PPFIA2: variants seen among roughly 807,000 people sequenced by gnomAD.
PPFIA2 encodes liprin-alpha-2.
A neutral mutation model predicts 175.5 loss-of-function variants in PPFIA2; 46 were observed. The observed-to-expected ratio is 0.26, with a 90% confidence interval of 0.21 to 0.34. The LOEUF is 0.34. PPFIA2 is among the 10% of genes least tolerant of loss of function. The pLI is 1.00. For missense variants in PPFIA2, 1,179 were observed against 1,506.1 expected (o/e 0.78, Z 3.60); for synonymous variants, 568 against 511.4 (o/e 1.11, Z -1.49).
At chr12:81,296,386 A>C (rs2046436204) in intron 23 of PPFIA2, among the ~76,000 whole-genome samples, 1 of 152,156 alleles carries the variant, frequency 6.6e-6, no homozygotes, top group Non-Finnish European at 1.5e-5. Flanking sequence ...AGACAATTAA[A>C]CCAGCAGTGC....
intron 4 of PPFIA2, among the ~76,000 whole-genome samples, chr12:81,608,501 C>A (rs535132054): frequency 4.6e-5 from 7 of 152,030 alleles, no homozygotes; most frequent in South Asian, 4.1e-4. Context: ...GGGTTTCAAT[C>A]TCTGCCTGAT....
chr12:81,518,729 C>A (rs1189087813), intron 4 of PPFIA2, among the ~76,000 whole-genome samples: 1 of 152,182 alleles, frequency 6.6e-6, no homozygotes, highest in Non-Finnish European at 1.5e-5. Flanking sequence ...ATAGTTGCCT[C>A]TTTTCCTACT....
At chr12:81,605,508 T>G (rs1257811424) in intron 4 of PPFIA2, among the ~76,000 whole-genome samples, 1 of 151,818 alleles carries the variant, frequency 6.6e-6, no homozygotes, top group African/African-American at 2.4e-5. Context: ...CAAGCAAACA[T>G]TCAGTTAAAA....
intron 4 of PPFIA2, among the ~76,000 whole-genome samples, chr12:81,630,427 T>C (rs2063233792): frequency 6.6e-6 from 1 of 152,156 alleles, no homozygotes; most frequent in African/African-American, 2.4e-5. Context: ...AGTATTTTTG[T>C]AGCTTCTATA....
At chr12:81,433,634 A>G (rs2048481461) in intron 7 of PPFIA2, among the ~76,000 whole-genome samples, 1 of 152,234 alleles carries the variant, frequency 6.6e-6, no homozygotes, top group South Asian at 2.1e-4. Context: ...ATTGCTGTTT[A>G]TTGAGCATAC....
intron 3 of PPFIA2, among the ~76,000 whole-genome samples, chr12:81,693,895 A>T (rs1178332299): frequency 6.6e-6 from 1 of 152,144 alleles, no homozygotes; most frequent in Non-Finnish European, 1.5e-5. Flanking sequence ...TCTTGGCTGC[A>T]TTCTGTTCCT....
At chr12:81,272,468 T>C (rs146972442) in intron 28 of PPFIA2, among the ~76,000 whole-genome samples, 228 of 152,350 alleles carry the variant, frequency 1.5e-3, no homozygotes, top group Non-Finnish European at 1.4e-3. Flanking sequence ...AAACCACCTA[T>C]TGTGTTCTCA....
At chr12:81,749,675 C>A (rs2083495539) in intron 3 of PPFIA2, among the ~76,000 whole-genome samples, 2 of 144,218 alleles carry the variant, frequency 1.4e-5, no homozygotes, top group African/African-American at 4.9e-5. Flanking sequence ...CTGGATAAAA[C>A]AAATGCAAGT....
chr12:81,622,714 A>C (rs914341700), intron 4 of PPFIA2, among the ~76,000 whole-genome samples: 1 of 152,172 alleles, frequency 6.6e-6, no homozygotes, highest in East Asian at 1.9e-4. Context: ...AGGTTTACAT[A>C]GTATTCAGGG....
At position 81,374,782 on chromosome 12, in the gene PPFIA2, G is replaced by T; in HGVS notation, c.1132-14C>A. The T allele has an allele frequency of 6.2e-7, 1 of 1,608,948 alleles. No individual in the cohort carries two copies. The highest frequency in any genetic ancestry group is 8.5e-7 in the Non-Finnish European group (1 of 1,177,026). Reference sequence around the variant, plus strand: ...TTTCTCTTCCATCTGAAATGGGAATGGGAGCAGAGACACTTAAAGAGTCAG... The same window carrying T: ...TTTCTCTTCCATCTGAAATGGGAATTGGAGCAGAGACACTTAAAGAGTCAG... On this transcript the variant is annotated splice_polypyrimidine_tract_variant and intron_variant, in intron 10 of 32. Coordinates refer to ENST00000549396, the MANE Select transcript of PPFIA2 (RefSeq NM_003625.5).
rs189882876 is a variant in PPFIA2 at position 81,354,061 on chromosome 12, T to C, written c.1774-722A>G. Among the ~76,000 whole-genome samples, 570 of 152,346 alleles carry C rather than the reference T, an allele frequency of 3.7e-3. 3 individuals are homozygous for C. Among genetic ancestry groups the C allele is most frequent in the African/African-American group, 0.013 (541 of 41,582 alleles). On this transcript the variant is annotated intron_variant, in intron 16 of 32. Transcript: ENST00000549396. The stretch of plus-strand genomic sequence containing the variant: ...TAGCTAAAAAATGCTAATGATCATC[T>C]GAGCCTTCAGTGAGTTTTAATCTTT...
chr12:81,300,272 T>C (rs1430165863), intron 22 of PPFIA2, among the ~76,000 whole-genome samples: 2 of 152,152 alleles, frequency 1.3e-5, no homozygotes, highest in Non-Finnish European at 2.9e-5. Context: ...TACATTCTCT[T>C]TACTTTAGTA....
intron 3 of PPFIA2, among the ~76,000 whole-genome samples, chr12:81,737,160 G>C (rs1473081637): frequency 6.6e-6 from 1 of 151,886 alleles, no homozygotes; most frequent in Non-Finnish European, 1.5e-5. Context: ...TGGGATCTAG[G>C]GAAAACTAAG....
At position 81,737,083 on chromosome 12, in the gene PPFIA2, A is replaced by C. The variant is rs1231661434; in HGVS notation, c.249+16890T>G. 2.6e-5 allele frequency among the ~76,000 whole-genome samples: 4 copies of C among 152,074 alleles called. No individual in the cohort carries two copies. In the East Asian group the frequency reaches 7.8e-4, roughly 30 times the overall value. On this transcript the variant is annotated intron_variant, in intron 3 of 32. Coordinates refer to ENST00000549396, the MANE Select transcript of PPFIA2 (RefSeq NM_003625.5). The stretch of plus-strand genomic sequence containing the variant: ...CTAGAAAAATTGGGTAATTTTTTAA[A>C]CAAATTTTAATTCACTTTTGAAGTG...
At chr12:81,340,311 C>T (rs1258184573) in intron 20 of PPFIA2, among the ~76,000 whole-genome samples, 1 of 151,964 alleles carries the variant, frequency 6.6e-6, no homozygotes, top group Non-Finnish European at 1.5e-5. Flanking sequence ...AACATAATAT[C>T]TAGAAGATAG....
chr12:81,450,621 T>G (rs2145521041), intron 5 of PPFIA2, among the ~76,000 whole-genome samples: 1 of 152,330 alleles, frequency 6.6e-6, no homozygotes, highest in African/African-American at 2.4e-5. Flanking sequence ...TTTCTTTTGC[T>G]GTGCAGAAGC....
intron 3 of PPFIA2, among the ~76,000 whole-genome samples, chr12:81,713,255 T>C (rs796914679): frequency 2.1e-4 from 31 of 151,160 alleles, no homozygotes; most frequent in African/African-American, 7.5e-4. Flanking sequence ...GCTGGTACTA[T>C]TTGTATTCCT....
chr12:81,424,358 A>G (rs147911352), intron 7 of PPFIA2, among the ~76,000 whole-genome samples: 1,542 of 152,284 alleles, frequency 0.01, 15 homozygotes, highest in Non-Finnish European at 0.016. Context: ...AAAAATTTCT[A>G]AACATAATTC....
chr12:81,587,539 G>T (rs1467011438), intron 4 of PPFIA2, among the ~76,000 whole-genome samples: 2 of 151,848 alleles, frequency 1.3e-5, no homozygotes, highest in African/African-American at 4.8e-5. Flanking sequence ...TAACTATTAT[G>T]AATTTTTTAG....
Sources: gnomAD v4.1 joint callset for allele counts (sites outside exome capture counted in the v4.1 genomes callset) on GRCh38, gnomAD v4.1.1 for gene constraint, MANE v1.5 for transcripts, NCBI Gene and HGNC (gene_info 2026-07-23, HGNC 2026-07-21) for gene names.